PARP11: variants seen among roughly 807,000 people sequenced by gnomAD.
PARP11 encodes protein mono-ADP-ribosyltransferase PARP11.
A neutral mutation model predicts 42.9 loss-of-function variants in PARP11; 31 were observed. The ratio of observed to expected loss-of-function variants is 0.72; its 90% CI spans 0.54 to 0.98. The LOEUF is 0.98. PARP11 is among the 50% of genes least tolerant of loss of function. The probability of loss-of-function intolerance (pLI) is 0.00; values close to 1 mark genes in which losing one functional copy is unlikely to be tolerated. For synonymous variants in PARP11, 137 were observed against 127.3 expected (o/e 1.08, Z -0.51); for missense variants, 365 against 413.1 (o/e 0.88, Z 1.01).
rs1444194292 is a variant in PARP11, at chr12:3,812,323, T to C, written c.817A>G (p.Thr273Ala). ...CGAGCAAGAAACATAGATTTATATGTTCTAAACAGATGCCGCTGTTGCAAG... is the reference window on the plus strand; with the variant it reads ...CGAGCAAGAAACATAGATTTATATGCTCTAAACAGATGCCGCTGTTGCAAG... Reference protein sequence around the residue: ...VSLQQRHLFRTYKSMFLARVL... With the variant: ...VSLQQRHLFRAYKSMFLARVL... Residue 273 changes from threonine to alanine, a missense_variant, in exon 8 of 8, where the codon ACA becomes GCA. Physicochemically the swap from Thr to Ala is moderately conservative, Grantham distance 58. Transcript: ENST00000228820. 6 of 1,614,082 alleles carry C rather than the reference T, an allele frequency of 3.7e-6. No homozygotes were observed. In the East Asian group the frequency reaches 8.9e-5, roughly 24 times the overall value.
intron 3 of PARP11, 129 bp from the exon 4 acceptor site, chr12:3,826,362 G>C (rs1366190152): frequency 1.7e-6 from 1 of 591,634 alleles, no homozygotes; most frequent in African/African-American, 1.9e-5. Context: ...GGCAAGCATA[G>C]TGTATTATGG....
At position 3,811,986 on chromosome 12, in the gene PARP11, T is replaced by C. The variant is rs1947187339; in HGVS notation, c.*137A>G. 1.5e-6 allele frequency: 1 copy of C among 647,876 alleles called. No homozygotes were observed. Among genetic ancestry groups the C allele is most frequent in the African/African-American group, 1.8e-5 (1 of 54,252 alleles). The allele number at this position is 647,876 out of a possible 1,614,324, so 40.1% of individuals were successfully genotyped here. ...CCAACCTTGAAGTCAGTATGTCTTT[T>C]TATATGGAGGCCACTTTTTTTCATA... On this transcript the variant is annotated 3_prime_UTR_variant, in exon 8 of 8. Transcript: ENST00000228820.
intron 6 of PARP11, among the ~76,000 whole-genome samples, chr12:3,819,684 A>G (rs1947355934): frequency 6.6e-6 from 1 of 152,216 alleles, no homozygotes; most frequent in South Asian, 2.1e-4. Flanking sequence ...GTCCCAGGAA[A>G]AAATCCAAAC....
chr12:3,866,101 C>T (rs549614959), intron 1 of PARP11, among the ~76,000 whole-genome samples: 1 of 151,938 alleles, frequency 6.6e-6, no homozygotes, highest in African/African-American at 2.4e-5. Context: ...TACCCATCAT[C>T]ACTTAAAAAC....
intron 1 of PARP11, among the ~76,000 whole-genome samples, chr12:3,870,851 T>C (rs1014563993): frequency 6.6e-6 from 1 of 152,174 alleles, no homozygotes; most frequent in Non-Finnish European, 1.5e-5. Flanking sequence ...CATAAAGATA[T>C]AAATACAAAA....
At chr12:3,827,672 A>G (rs1429449391) in intron 3 of PARP11, among the ~76,000 whole-genome samples, 1 of 152,206 alleles carries the variant, frequency 6.6e-6, no homozygotes, top group Non-Finnish European at 1.5e-5. Flanking sequence ...ATTAAAAAAA[A>G]AAGCAAGAAA....
At chr12:3,846,068 AT>A (rs145513818) in intron 1 of PARP11, among the ~76,000 whole-genome samples, 1,845 of 152,354 alleles carry the variant, frequency 0.012, 43 homozygotes, top group African/African-American at 0.042. Flanking sequence ...ATATATACGT[AT>A]CTTTTGAAGT....
At position 3,814,167 on chromosome 12, in the gene PARP11, T is replaced by A. The variant is rs1363681386; in HGVS notation, c.570A>T (p.Lys190Asn). The change falls in exon 7 of 8, where the codon AAA becomes AAT. Residue 190 changes from lysine (K) to asparagine (N), a missense_variant. Lys to Asn is a moderately conservative substitution (Grantham distance 94). Coordinates refer to ENST00000228820, the MANE Select transcript of PARP11 (RefSeq NM_020367.6). ...CATTAATCTGAGGCACACCTCTTTT[T>A]TTCTTGAGCTGAGCCTTTTTCCTAA... ...FFCRKKAQLK[K>N]KRGVPQINEQ... The A allele has an allele frequency of 6.2e-7, 1 of 1,603,102 alleles. No individual in the cohort carries two copies. Among genetic ancestry groups the A allele is most frequent in the Middle Eastern group, 1.7e-4 (1 of 6,012 alleles).
At chr12:3,853,399 G>A (rs1258745898) in intron 1 of PARP11, among the ~76,000 whole-genome samples, 2 of 152,160 alleles carry the variant, frequency 1.3e-5, no homozygotes, top group Admixed American at 1.3e-4. Flanking sequence ...CATCTCACGT[G>A]CAGAGACACA....
intron 1 of PARP11, among the ~76,000 whole-genome samples, chr12:3,858,543 T>C (rs931352272): frequency 2.6e-5 from 4 of 152,226 alleles, no homozygotes; most frequent in Non-Finnish European, 1.5e-5. Flanking sequence ...CTCGCCCCTA[T>C]AGGAGCCACT....
At chr12:3,817,480 C>T (rs766868446) in intron 6 of PARP11, among the ~76,000 whole-genome samples, 4 of 152,136 alleles carry the variant, frequency 2.6e-5, no homozygotes, top group Non-Finnish European at 5.9e-5. Context: ...CCACGAAATG[C>T]GGACATTCAC....
intron 1 of PARP11, chr12:3,841,448 G>C: frequency 1.5e-6 from 2 of 1,364,018 alleles, no homozygotes; most frequent in Non-Finnish European, 2.1e-6. Flanking sequence ...CAGAATTAAA[G>C]TGATTGTACC....
At chr12:3,871,954 A>T (rs138509100) in intron 1 of PARP11, 26 of 152,324 alleles carry the variant, frequency 1.7e-4, no homozygotes, top group African/African-American at 6.3e-4. Flanking sequence ...ATTCTTCCCC[A>T]AGGTGAGTGA....
chr12:3,840,576 A>T lies in PARP11; in HGVS notation c.19-10558T>A. 1 of 1,497,576 alleles carries T rather than the reference A, an allele frequency of 6.7e-7. No individual in the cohort carries two copies. The highest frequency in any genetic ancestry group is 9.3e-7 in the Non-Finnish European group (1 of 1,073,808). 92.8% of individuals were successfully genotyped at this position (1,497,576 alleles called of 1,614,324 possible). A position where few individuals can be genotyped will look rare whatever the true frequency, so the allele number is the denominator to read the frequency against. On this transcript the variant is annotated intron_variant, in intron 1 of 7. Coordinates refer to ENST00000228820, the MANE Select transcript of PARP11 (RefSeq NM_020367.6). This position sits in a 1 kb window ranked among gnomAD's most constrained non-coding sequence, Gnocchi z 4.4. ...TCATAAGAAAACCTGATCGTGAAAG[A>T]GTTGAGGATTCTGATCACACAAGTC...
At chr12:3,857,893 G>C (rs1413400433) in intron 1 of PARP11, among the ~76,000 whole-genome samples, 1 of 152,130 alleles carries the variant, frequency 6.6e-6, no homozygotes, top group African/African-American at 2.4e-5. Flanking sequence ...GATCAATAAA[G>C]GGTAAATATA....
At chr12:3,839,592 A>G (rs1947845907) in intron 1 of PARP11, 2 of 1,260,600 alleles carry the variant, frequency 1.6e-6, no homozygotes. Context: ...TGGAAAATCC[A>G]CAGGAATGGG....
chr12:3,816,193 G>T (rs1434029356), intron 6 of PARP11, among the ~76,000 whole-genome samples: 1 of 149,798 alleles, frequency 6.7e-6, no homozygotes, highest in Non-Finnish European at 1.5e-5. Context: ...AACGAAAAAA[G>T]TTTTTTAAAT....
At position 3,842,295 on chromosome 12, in the gene PARP11, G is replaced by GT. The variant is rs1947905682; in HGVS notation, c.19-12278dup. ...TTTTGAGAAGTGGTAGATCCAAGCA[G>GT]TTCTATAATCAAACTTATGGGAGCA... On this transcript the variant is annotated intron_variant, in intron 1 of 7. Coordinates refer to ENST00000228820, the MANE Select transcript of PARP11 (RefSeq NM_020367.6). 6 of 1,601,870 alleles carry GT rather than the reference G, an allele frequency of 3.7e-6. No individual in the cohort carries two copies. In the South Asian group the frequency reaches 5.5e-5, roughly 15 times the overall value.
At chr12:3,839,763 C>T (rs1294081752) in intron 1 of PARP11, 4 of 1,129,380 alleles carry the variant, frequency 3.5e-6, no homozygotes, top group East Asian at 2.3e-5. Context: ...TTGTGTATCC[C>T]GTAAAGTATA....
Sources: allele counts gnomAD v4.1 joint callset (sites outside exome capture counted in the v4.1 genomes callset), GRCh38; gene constraint gnomAD v4.1.1; non-coding constraint Gnocchi (gnomAD v3.1); transcripts MANE v1.5; gene names NCBI Gene and HGNC (gene_info 2026-07-23, HGNC 2026-07-21).